SLX4IP: variants seen among roughly 807,000 people sequenced by gnomAD.
SLX4IP encodes the protein SLX4 interacting protein.
Under a neutral mutation model 32.9 loss-of-function variants are expected in SLX4IP, and 34 were observed. The ratio of observed to expected loss-of-function variants is 1.03; its 90% CI spans 0.79 to 1.38. SLX4IP has a LOEUF of 1.38. SLX4IP is among the 40% of genes most tolerant of loss of function. The pLI is 0.00. For synonymous variants in SLX4IP, 172 were observed against 171.7 expected, an observed-to-expected ratio of 1.00 and a Z score of -0.01; for missense variants, 444 against 479.0, an observed-to-expected ratio of 0.93 and a Z score of 0.68.
chr20:10,507,207 G>C (rs2065766923), intron 2 of SLX4IP, among the ~76,000 whole-genome samples: 1 of 152,200 alleles, frequency 6.6e-6, no homozygotes, highest in Non-Finnish European at 1.5e-5. Flanking sequence ...CAAGCAAGGA[G>C]GCAAGTGCCT....
intron 2 of SLX4IP, among the ~76,000 whole-genome samples, chr20:10,465,885 C>CG (rs1236450399): frequency 5.3e-5 from 8 of 152,206 alleles, no homozygotes; most frequent in African/African-American, 1.9e-4. Flanking sequence ...TGGCTAGTAT[C>CG]GGCTGTATTG....
At chr20:10,512,649 A>AT (rs1037506619) in intron 2 of SLX4IP, among the ~76,000 whole-genome samples, 3 of 143,398 alleles carry the variant, frequency 2.1e-5, no homozygotes, top group Non-Finnish European at 4.5e-5. Flanking sequence ...TATATATAGT[A>AT]TTTTTTATAT....
intron 1 of SLX4IP, among the ~76,000 whole-genome samples, chr20:10,451,882 C>T (rs564293260): frequency 3.1e-4 from 47 of 151,940 alleles, no homozygotes; most frequent in South Asian, 1.5e-3. Flanking sequence ...GCAGGGGAAT[C>T]GCTTGAATCC....
In SLX4IP at chr20:10,594,753, G is replaced by A. The variant is rs933123791; in HGVS notation, c.239-3922G>A. 1.6e-4 allele frequency among the ~76,000 whole-genome samples: 25 copies of A among 152,184 alleles called. 1 individual carries two copies. The South Asian group carries it at 2.7e-3, about 16-fold the overall frequency. On this transcript the variant is annotated intron_variant, in intron 4 of 7. Coordinates refer to ENST00000334534, the MANE Select transcript of SLX4IP (RefSeq NM_001009608.3). ...CAATTCATATTTGAGTTTTTTTGTCGTAATTTTTGCCTTTCTGTTTATGAA... is the reference window on the plus strand; with the variant it reads ...CAATTCATATTTGAGTTTTTTTGTCATAATTTTTGCCTTTCTGTTTATGAA...
intron 2 of SLX4IP, among the ~76,000 whole-genome samples, chr20:10,498,285 C>T (rs1391905969): frequency 6.6e-6 from 1 of 151,936 alleles, no homozygotes; most frequent in African/African-American, 2.4e-5. Context: ...GTGTTTACAG[C>T]TTCCTATCAT....
At chr20:10,452,678 A>AT (rs1365793671) in intron 1 of SLX4IP, among the ~76,000 whole-genome samples, 8,771 of 97,256 alleles carry the variant, frequency 0.09, 362 homozygotes, top group South Asian at 0.19. Flanking sequence ...AAAAAAAAAA[A>AT]AAATATATAT....
chr20:10,617,958 T>A (rs532850016), intron 6 of SLX4IP, among the ~76,000 whole-genome samples: 1 of 152,180 alleles, frequency 6.6e-6, no homozygotes, highest in Non-Finnish European at 1.5e-5. Context: ...TCTAACTGCA[T>A]CTCAAATCAG....
rs8116464 is a variant in SLX4IP, at chr20:10,608,183, G to C, written c.405+6364G>C. ...TGGGGAATAGAACAACTGGAAAAGG[G>C]ATTTGAGTTAAAATGTAAAGACCTG... On this transcript the variant is annotated intron_variant, in intron 6 of 7. Transcript: ENST00000334534. Among the ~76,000 whole-genome samples, 748 of 152,228 alleles carry C rather than the reference G, an allele frequency of 4.9e-3. 7 individuals are homozygous for C. Among genetic ancestry groups the C allele is most frequent in the African/African-American group, 0.017 (708 of 41,538 alleles).
intron 6 of SLX4IP, among the ~76,000 whole-genome samples, chr20:10,620,608 C>T (rs1383450271): frequency 6.6e-6 from 1 of 152,016 alleles, no homozygotes; most frequent in Non-Finnish European, 1.5e-5. Flanking sequence ...GGCTGGAGTG[C>T]AGTGGTGCCA....
intron 4 of SLX4IP, among the ~76,000 whole-genome samples, chr20:10,570,031 G>A (rs532296552): frequency 9.2e-5 from 14 of 152,256 alleles, no homozygotes; most frequent in East Asian, 5.8e-4. Context: ...TATGTTCTCC[G>A]TCTTATTTGG....
chr20:10,618,075 A>G (rs1486955108), intron 6 of SLX4IP, among the ~76,000 whole-genome samples: 3 of 152,238 alleles, frequency 2.0e-5, no homozygotes, highest in Non-Finnish European at 4.4e-5. Context: ...TGTGTTTCCC[A>G]GGTCAGCCCA....
chr20:10,627,066 G>A lies in SLX4IP; in HGVS notation c.*3687G>A, dbSNP rs1400150041. On this transcript the variant is annotated 3_prime_UTR_variant, in exon 8 of 8. Transcript: ENST00000334534. Reference sequence around the variant, plus strand: ...CAAGAGAGTGGCCTGGGATCACAGTGTCGTCATTCCCAATTTCCTTGAATT... The same window carrying A: ...CAAGAGAGTGGCCTGGGATCACAGTATCGTCATTCCCAATTTCCTTGAATT... The A allele has an allele frequency of 1.3e-5, 2 of 152,192 alleles. No homozygotes were observed. Among genetic ancestry groups the A allele is most frequent in the East Asian group, 3.8e-4 (2 of 5,198 alleles). The allele number at this position is 152,192 out of a possible 1,614,324, so 9.4% of individuals were successfully genotyped here. A position where few individuals can be genotyped will look rare whatever the true frequency, so the allele number is the denominator to read the frequency against.
intron 1 of SLX4IP, among the ~76,000 whole-genome samples, chr20:10,449,044 A>G (rs2065222641): frequency 6.6e-6 from 1 of 152,140 alleles, no homozygotes; most frequent in African/African-American, 2.4e-5. Context: ...TGATTTTACC[A>G]TATTTGGAAC....
intron 2 of SLX4IP, 62 bp from the exon 3 acceptor site, chr20:10,556,169 T>C: frequency 6.8e-7 from 1 of 1,473,342 alleles, no homozygotes; most frequent in East Asian, 2.3e-5. Context: ...TGTGAGATTT[T>C]CTCTCATTGT....
At chr20:10,521,948 T>C (rs1427397144) in intron 2 of SLX4IP, among the ~76,000 whole-genome samples, 1 of 152,132 alleles carries the variant, frequency 6.6e-6, no homozygotes, top group Non-Finnish European at 1.5e-5. Context: ...AAAAAATCAA[T>C]CCATAATTAG....
intron 2 of SLX4IP, among the ~76,000 whole-genome samples, chr20:10,487,598 T>C (rs1314770918): frequency 6.6e-6 from 1 of 152,158 alleles, no homozygotes; most frequent in African/African-American, 2.4e-5. Context: ...GTGTCTTGAT[T>C]AGTCAGCCAC....
At chr20:10,518,369 C>A (rs1171320344) in intron 2 of SLX4IP, among the ~76,000 whole-genome samples, 1 of 99,094 alleles carries the variant, frequency 1.0e-5, no homozygotes, top group Non-Finnish European at 2.7e-5. Context: ...CTTTCTTTCT[C>A]TCTCTCTTTC....
At chr20:10,613,479 T>C (rs1447240687) in intron 6 of SLX4IP, 14 of 1,602,324 alleles carry the variant, frequency 8.7e-6, no homozygotes, top group Admixed American at 1.7e-5. Flanking sequence ...CCCTCCTCCT[T>C]TGGAAGATTT....
At chr20:10,465,198 G>C (rs775357543) in intron 2 of SLX4IP, among the ~76,000 whole-genome samples, 1 of 152,154 alleles carries the variant, frequency 6.6e-6, no homozygotes, top group Non-Finnish European at 1.5e-5. Context: ...TTAAACCCAA[G>C]CTTTGCACCC....
Sources: allele counts gnomAD v4.1 joint callset (sites outside exome capture counted in the v4.1 genomes callset), GRCh38; gene constraint gnomAD v4.1.1; transcripts MANE v1.5; gene names NCBI Gene and HGNC (gene_info 2026-07-23, HGNC 2026-07-21).